Variants in GRTP1 observed in about 807,000 individuals in gnomAD.
The protein encoded by GRTP1 is growth hormone regulated TBC protein 1.
In GRTP1, 56 loss-of-function variants were observed where a neutral mutation model predicts 38.1. The ratio of observed to expected loss-of-function variants is 1.47; its 90% CI spans 1.19 to 1.84. The LOEUF is 1.84. Ranked by LOEUF, GRTP1 falls within the 40% of genes most tolerant of loss-of-function variation. The pLI is 0.00. For missense variants in GRTP1, 506 were observed against 453.9 expected (o/e 1.11, Z -1.04); for synonymous variants, 217 against 189.5 (o/e 1.14, Z -1.19).
chr13:113,352,258 A>ATATATT (rs1357619748), intron 3 of GRTP1, among the ~76,000 whole-genome samples: 11,049 of 66,618 alleles, frequency 0.17, 610 homozygotes, highest in East Asian at 0.28. Flanking sequence ...ATATATTTAT[A>ATATATT]TATTTTTATA....
In GRTP1 at chr13:113,325,834, T is replaced by C; in HGVS notation, c.748A>G (p.Ile250Val). ...CCTTCGTTAAACAAACAGTCCCAGA[T>C]CCGAAGCACTGTCTGCAGAGACATG... ...DILPVETVLR[I>V]WDCLFNEGSK... is the part of the protein sequence containing the mutation. The change falls in exon 7 of 8, where the codon ATC becomes GTC. Residue 250 changes from isoleucine to valine, a missense_variant. Transcript: ENST00000375431. 6.2e-7 allele frequency: 1 copy of C among 1,613,638 alleles called. No homozygotes were observed. Among genetic ancestry groups the C allele is most frequent in the Non-Finnish European group, 8.5e-7 (1 of 1,179,828 alleles).
At chr13:113,347,263 T>A (rs920769370) in intron 4 of GRTP1, among the ~76,000 whole-genome samples, 15 of 10,958 alleles carry the variant, frequency 1.4e-3, no homozygotes, top group Admixed American at 2.6e-3. Flanking sequence ...CCTCTGTGGC[T>A]GAGAGCAGAC....
chr13:113,356,558 G>A (rs370273496), intron 2 of GRTP1, among the ~76,000 whole-genome samples: 2 of 152,068 alleles, frequency 1.3e-5, no homozygotes, highest in African/African-American at 4.8e-5. Context: ...GAGCCACCAC[G>A]CCTGGCCCTG....
rs368651358 is a variant in GRTP1 at position 113,346,730 on chromosome 13, G to C, written c.466-1771C>G. Among the ~76,000 whole-genome samples the C allele has an allele frequency of 4.6e-3, 2 of 438 alleles. 1 individual carries two copies. Among genetic ancestry groups the C allele is most frequent in the African/African-American group, 0.02 (2 of 100 alleles). 0.3% of individuals were successfully genotyped at this position (438 alleles called of 152,430 possible). On this transcript the variant is annotated intron_variant, in intron 4 of 7. Coordinates refer to ENST00000375431, the MANE Select transcript of GRTP1 (RefSeq NM_024719.4). ...GACCCGGGAGGACCTCTGTGGCTGA[G>C]AGCGGACCCGGGAGGACCTCTGTGG...
At chr13:113,329,423 C>G (rs771055586) in intron 5 of GRTP1, among the ~76,000 whole-genome samples, 2 of 151,944 alleles carry the variant, frequency 1.3e-5, no homozygotes, top group Non-Finnish European at 2.9e-5. Context: ...ACTAAAAATA[C>G]AAAAATTAGC....
At chr13:113,355,604 A>G in intron 2 of GRTP1, 123 bp from the exon 3 acceptor site, 6 of 1,186,764 alleles carry the variant, frequency 5.1e-6, no homozygotes, top group Non-Finnish European at 6.8e-6. Context: ...AGAGACCCAG[A>G]ACTTCGTCCA....
At chr13:113,330,461 T>C (rs2042846822) in intron 5 of GRTP1, among the ~76,000 whole-genome samples, 1 of 134,882 alleles carries the variant, frequency 7.4e-6, no homozygotes, top group Non-Finnish European at 1.6e-5. Flanking sequence ...CCCGGGTGTG[T>C]GCATAAAAAC....
rs945223060 is a variant in GRTP1, at chr13:113,343,662, G to C, written c.562+1201C>G. On this transcript the variant is annotated intron_variant, in intron 5 of 7. Transcript: ENST00000375431. The surrounding 1 kb of genome is among the most constrained non-coding windows in gnomAD (Gnocchi z 4.8). ...CACCCTGGAAATGGGGTGGGTGACT[G>C]TGTCCGTGTGGTGTGGCTGTTCTGA... is the stretch of plus-strand genomic sequence containing the variant. Among the ~76,000 whole-genome samples, 7 of 152,230 alleles carry C rather than the reference G, an allele frequency of 4.6e-5. 1 individual carries two copies. Among genetic ancestry groups the C allele is most frequent in the African/African-American group, 1.7e-4 (7 of 41,462 alleles).
Position 113,333,838 on chromosome 13 carries a change from A to ATTTATTTAGTGT in GRTP1, c.563-7748_563-7747insACACTAAATAAA, listed in dbSNP as rs749095615. On this transcript the variant is annotated intron_variant, in intron 5 of 7. Transcript: ENST00000375431. Reference sequence around the variant, plus strand: ...TATTTATTTATTTATTTATTTATTTAGTGTGTGTGTGTGTGTGTGTGTGTG... The same window carrying ATTTATTTAGTGT: ...TATTTATTTATTTATTTATTTATTTATTTATTTAGTGTGTGTGTGTGTGTGTGTGTGTGTGTG... 7.5e-3 allele frequency among the ~76,000 whole-genome samples: 177 copies of ATTTATTTAGTGT among 23,588 alleles called. 1 individual carries two copies. The highest frequency in any genetic ancestry group is 0.011 in the African/African-American group (167 of 14,746). 15.5% of individuals were successfully genotyped at this position (23,588 alleles called of 152,430 possible). A position where few individuals can be genotyped will look rare whatever the true frequency, so the allele number is the denominator to read the frequency against.
intron 5 of GRTP1, among the ~76,000 whole-genome samples, chr13:113,336,302 T>TTTTTTTG (rs1555315326): frequency 2.2e-5 from 1 of 46,038 alleles, no homozygotes; most frequent in Non-Finnish European, 6.4e-5. Flanking sequence ...AAGGTAGTTT[T>TTTTTTTG]TTTTTTTTTT....
At chr13:113,336,298 G>GTTTTT (rs67179331) in intron 5 of GRTP1, among the ~76,000 whole-genome samples, 1,561 of 20,872 alleles carry the variant, frequency 0.075, 29 homozygotes, top group Admixed American at 0.088. Flanking sequence ...GAATAAGGTA[G>GTTTTT]TTTTTTTTTT....
intron 5 of GRTP1, among the ~76,000 whole-genome samples, chr13:113,330,082 TGCA>T (rs2042836723): frequency 6.8e-6 from 1 of 146,588 alleles, no homozygotes; most frequent in Non-Finnish European, 1.5e-5. Flanking sequence ...CCCGGGTGCG[TGCA>T]TGGAAACCCG....
intron 5 of GRTP1, among the ~76,000 whole-genome samples, chr13:113,338,434 CTCATGAGCGATGAACCAA>C (rs532119000): frequency 6.6e-6 from 1 of 152,214 alleles, no homozygotes; most frequent in Admixed American, 6.5e-5. Flanking sequence ...CTCTAAGTGA[CTCATGAGCGATGAACCAA>C]ACAGTCCGCA....
intron 5 of GRTP1, among the ~76,000 whole-genome samples, chr13:113,336,889 T>C (rs1201899294): frequency 6.6e-6 from 1 of 152,206 alleles, no homozygotes; most frequent in Non-Finnish European, 1.5e-5. Context: ...CCTGTACAAA[T>C]TTCCAGATTC....
chr13:113,345,152 A>G (rs897702932), intron 4 of GRTP1, among the ~76,000 whole-genome samples, 193 bp from the exon 5 acceptor site: 2 of 152,258 alleles, frequency 1.3e-5, no homozygotes, highest in Non-Finnish European at 2.9e-5. Context: ...TGTTTAGTCA[A>G]GCTTACGTGA....
rs1243759145 is a variant in GRTP1 at position 113,342,862 on chromosome 13, C to T, written c.562+2001G>A. 2.0e-5 allele frequency among the ~76,000 whole-genome samples: 3 copies of T among 152,146 alleles called. No homozygotes were observed. The highest frequency in any genetic ancestry group is 4.8e-5 in the African/African-American group (2 of 41,420). ...CTATTTGCATTGCAGTTTCGTTCAA[C>T]TTAATCTCATAATGAATATCGGAAG... is the stretch of plus-strand genomic sequence containing the variant. On this transcript the variant is annotated intron_variant, in intron 5 of 7. Transcript: ENST00000375431. This position sits in a 1 kb window ranked among gnomAD's most constrained non-coding sequence, Gnocchi z 4.5.
At chr13:113,358,008 G>A (rs975358624) in intron 2 of GRTP1, among the ~76,000 whole-genome samples, 9 of 151,974 alleles carry the variant, frequency 5.9e-5, no homozygotes, top group East Asian at 1.9e-4. Context: ...GCAAAACCCC[G>A]TCTCTACTAA....
chr13:113,350,062 G>A (rs2043233151), intron 4 of GRTP1, among the ~76,000 whole-genome samples: 1 of 152,092 alleles, frequency 6.6e-6, no homozygotes, highest in African/African-American at 2.4e-5. Flanking sequence ...CACGGGCTGT[G>A]CGCACACCTG....
chr13:113,350,998 C>A, intron 3 of GRTP1, 25 bp from the exon 4 acceptor site: 1 of 1,612,384 alleles, frequency 6.2e-7, no homozygotes, highest in Non-Finnish European at 8.5e-7. Flanking sequence ...GAAGGAATCA[C>A]CCACGGGTTT....
Sources: gnomAD v4.1 joint callset for allele counts (sites outside exome capture counted in the v4.1 genomes callset) on GRCh38, gnomAD v4.1.1 for gene constraint, Gnocchi (gnomAD v3.1) non-coding constraint, MANE v1.5 for transcripts, NCBI Gene and HGNC (gene_info 2026-07-23, HGNC 2026-07-21) for gene names.